GUCY1A2: variants seen among roughly 807,000 people sequenced by gnomAD.
The protein encoded by GUCY1A2 is guanylate cyclase soluble subunit alpha-2.
GUCY1A2 carries 27 observed loss-of-function variants against 63.5 expected under a neutral mutation model. The ratio of observed to expected loss-of-function variants is 0.43; its 90% CI spans 0.31 to 0.59. GUCY1A2 has a LOEUF of 0.59. Among genes scored for constraint, GUCY1A2 ranks in the 20% least tolerant of loss-of-function variants. The pLI is 0.11. For synonymous variants in GUCY1A2, 364 were observed against 343.5 expected (o/e 1.06, Z -0.66); for missense variants, 768 against 913.3 (o/e 0.84, Z 2.05).
At chr11:107,005,658 A>G (rs1406537744) in intron 1 of GUCY1A2, among the ~76,000 whole-genome samples, 2 of 152,218 alleles carry the variant, frequency 1.3e-5, no homozygotes, top group African/African-American at 2.4e-5. Flanking sequence ...TGCTGAATAA[A>G]TTAGTAAGTG....
At chr11:106,850,067 C>G (rs12416882) in intron 4 of GUCY1A2, among the ~76,000 whole-genome samples, 37,789 of 151,518 alleles carry the variant, frequency 0.25, 4,781 homozygotes, top group African/African-American at 0.3. Context: ...CTGCGTCAGT[C>G]ATAGGCAAAC....
intron 1 of GUCY1A2, among the ~76,000 whole-genome samples, chr11:106,999,780 C>T (rs1192094760): frequency 2.0e-5 from 3 of 152,122 alleles, no homozygotes; most frequent in African/African-American, 2.4e-5. Flanking sequence ...GCCATTAGCA[C>T]CATTAAGGTG....
chr11:106,760,319 G>C (rs1864043766), intron 6 of GUCY1A2, among the ~76,000 whole-genome samples: 1 of 151,992 alleles, frequency 6.6e-6, no homozygotes, highest in Non-Finnish European at 1.5e-5. Flanking sequence ...AGAAGAACAA[G>C]TAATGTGACT....
intron 4 of GUCY1A2, among the ~76,000 whole-genome samples, chr11:106,822,349 TATTTA>T (rs1349786052): frequency 6.6e-6 from 1 of 152,172 alleles, no homozygotes; most frequent in Non-Finnish European, 1.5e-5. Flanking sequence ...TATTATTGTT[TATTTA>T]TTTTTCTTTT....
chr11:106,888,397 G>A (rs1438172880), intron 4 of GUCY1A2, among the ~76,000 whole-genome samples: 2 of 151,864 alleles, frequency 1.3e-5, no homozygotes, highest in African/African-American at 2.4e-5. Flanking sequence ...CCCAGGAGGC[G>A]GAGCTTGCAG....
intron 7 of GUCY1A2, among the ~76,000 whole-genome samples, chr11:106,692,932 G>A (rs992102457): frequency 6.6e-6 from 1 of 152,208 alleles, no homozygotes; most frequent in African/African-American, 2.4e-5. Flanking sequence ...AATAGCGGCA[G>A]ACTAGTATAT....
rs2120197633 is a variant in GUCY1A2 at position 107,007,029 on chromosome 11, T to G, written c.303+10724A>C. Among the ~76,000 whole-genome samples, 3 of 152,248 alleles carry G rather than the reference T, an allele frequency of 2.0e-5. 1 individual carries two copies. The South Asian group carries it at 6.2e-4, about 32-fold the overall frequency. ...GAAATGTTTTGGTGGTCACTGCTAC[T>G]CTAAAACCCGTAGACTGTCTTATAT... On this transcript the variant is annotated intron_variant, in intron 1 of 7. Transcript: ENST00000526355.
intron 4 of GUCY1A2, among the ~76,000 whole-genome samples, chr11:106,936,932 ACAAAGT>A (rs1473099086): frequency 6.6e-6 from 1 of 152,226 alleles, no homozygotes; most frequent in Non-Finnish European, 1.5e-5. Context: ...AATAATGAAG[ACAAAGT>A]CAAATTTATC....
intron 3 of GUCY1A2, among the ~76,000 whole-genome samples, chr11:106,967,558 C>T (rs1445196372): frequency 6.6e-6 from 1 of 151,974 alleles, no homozygotes; most frequent in Non-Finnish European, 1.5e-5. Context: ...CCCACTTATA[C>T]ATAAACAGGA....
intron 4 of GUCY1A2, among the ~76,000 whole-genome samples, chr11:106,909,589 T>C (rs1310025380): frequency 1.3e-5 from 2 of 152,010 alleles, no homozygotes; most frequent in African/African-American, 2.4e-5. Flanking sequence ...AAAAATGTTA[T>C]ATAAATTGAG....
chr11:106,926,498 T>C (rs1860524061), intron 4 of GUCY1A2, among the ~76,000 whole-genome samples: 1 of 149,682 alleles, frequency 6.7e-6, no homozygotes, highest in South Asian at 2.1e-4. Flanking sequence ...TCAGGAAAGA[T>C]GAGGTCAGAG....
chr11:106,793,128 A>G (rs1453153540), intron 5 of GUCY1A2, among the ~76,000 whole-genome samples: 2 of 152,206 alleles, frequency 1.3e-5, no homozygotes, highest in East Asian at 3.9e-4. Context: ...ACTAATCACT[A>G]CAGAATCGTA....
intron 4 of GUCY1A2, among the ~76,000 whole-genome samples, chr11:106,922,777 T>A (rs1292588071): frequency 6.7e-6 from 1 of 149,636 alleles, no homozygotes; most frequent in East Asian, 2.0e-4. Flanking sequence ...TAGTTAATGA[T>A]AAGAGATTCC....
At chr11:106,692,317 G>A (rs1456601626) in intron 7 of GUCY1A2, among the ~76,000 whole-genome samples, 2 of 152,098 alleles carry the variant, frequency 1.3e-5, no homozygotes, top group Non-Finnish European at 2.9e-5. Context: ...ACAAATCCTA[G>A]TTTACCTGCC....
intron 4 of GUCY1A2, among the ~76,000 whole-genome samples, chr11:106,910,421 T>A (rs1287741133): frequency 1.3e-5 from 2 of 152,064 alleles, no homozygotes; most frequent in Non-Finnish European, 2.9e-5. Flanking sequence ...TAGGAACATT[T>A]TTTTGTAAAC....
intron 4 of GUCY1A2, among the ~76,000 whole-genome samples, chr11:106,886,385 T>A (rs575152008): frequency 6.9e-4 from 105 of 152,246 alleles, no homozygotes; most frequent in African/African-American, 2.2e-3. Flanking sequence ...TGTCTAGATA[T>A]CTGAAACACA....
chr11:106,808,542 T>C (rs761993954), intron 5 of GUCY1A2, among the ~76,000 whole-genome samples: 6 of 152,282 alleles, frequency 3.9e-5, no homozygotes, highest in Non-Finnish European at 7.4e-5. Flanking sequence ...CTGATACTTA[T>C]GTTTGTCAGG....
chr11:106,786,109 A>G (rs1012713726), intron 5 of GUCY1A2, among the ~76,000 whole-genome samples: 3 of 152,180 alleles, frequency 2.0e-5, no homozygotes, highest in African/African-American at 7.2e-5. Flanking sequence ...TAGGCATTCA[A>G]TGATCCAAAG....
At chr11:106,990,291 T>G (rs576663463) in intron 1 of GUCY1A2, among the ~76,000 whole-genome samples, 1 of 152,320 alleles carries the variant, frequency 6.6e-6, no homozygotes, top group East Asian at 1.9e-4. Context: ...AAAGCCATCT[T>G]CATCTCTAGT....
Sources: allele counts gnomAD v4.1 joint callset (sites outside exome capture counted in the v4.1 genomes callset), GRCh38; gene constraint gnomAD v4.1.1; transcripts MANE v1.5; gene names NCBI Gene and HGNC (gene_info 2026-07-23, HGNC 2026-07-21).